Variants in NLE1 observed in about 807,000 individuals in gnomAD.
NLE1 encodes notchless homolog 1, also known as notchless protein homolog 1.
In NLE1, 37 loss-of-function variants were observed where a neutral mutation model predicts 62.8. That is an observed-to-expected ratio of 0.59 (90% CI 0.45 to 0.78). The LOEUF is 0.78. Among genes scored for constraint, NLE1 ranks in the 30% least tolerant of loss-of-function variants. The pLI is 0.00. For missense variants in NLE1, 555 were observed against 637.9 expected (o/e 0.87, Z 1.40); for synonymous variants, 243 against 253.0 (o/e 0.96, Z 0.37).
Position 35,135,318 on chromosome 17 carries a change from G to A in NLE1, c.1145C>T (p.Pro382Leu). Residue 382 changes from proline (P) to leucine (L), a missense_variant, in exon 10 of 13, where the codon CCT (proline) becomes CTT (leucine). Physicochemically the swap from Pro to Leu is moderately conservative, Grantham distance 98. Coordinates refer to ENST00000442241, the MANE Select transcript of NLE1 (RefSeq NM_018096.5). ...QALINQVLFS[P>L]DSRIVASASF... is the part of the protein sequence containing the mutation. ...GGCACTAGCCACGATGCGGGAGTCA[G>A]GAGAGAAGAGCACCTGGTTGATGAG... is the stretch of plus-strand genomic sequence containing the variant. 4 of 1,614,214 alleles carry A rather than the reference G, an allele frequency of 2.5e-6. No homozygotes were observed. The highest frequency in any genetic ancestry group is 3.4e-6 in the Non-Finnish European group (4 of 1,180,044).
intron 3 of NLE1, 34 bp downstream of exon 3, chr17:35,139,815 C>T: frequency 6.2e-7 from 1 of 1,602,054 alleles, no homozygotes; most frequent in Non-Finnish European, 8.5e-7. Flanking sequence ...TGCACCCCCA[C>T]ATACCCCCTC....
chr17:35,131,226 G>C lies in NLE1; in HGVS notation c.*1211C>G, dbSNP rs1306173900. On this transcript the variant is annotated 3_prime_UTR_variant, in exon 13 of 13. Coordinates refer to ENST00000442241, the MANE Select transcript of NLE1 (RefSeq NM_018096.5). ...AAGGAGCTCAGTGGCTGATAGTTTT[G>C]TTCGCTTCTTATGTAGCCTCACTGC... 1.3e-5 allele frequency: 2 copies of C among 152,226 alleles called. No individual in the cohort carries two copies. The highest frequency in any genetic ancestry group is 4.8e-5 in the African/African-American group (2 of 41,448). 9.4% of individuals were successfully genotyped at this position (152,226 alleles called of 1,614,324 possible).
At chr17:35,136,063 G>T in intron 9 of NLE1, 106 bp downstream of exon 9, 1 of 1,095,664 alleles carries the variant, frequency 9.1e-7, no homozygotes, top group Non-Finnish European at 1.3e-6. Flanking sequence ...TTTGGAATAG[G>T]TACATTCTGA....
At chr17:35,141,867 T>C in intron 2 of NLE1, 112 bp downstream of exon 2, 1 of 1,259,806 alleles carries the variant, frequency 7.9e-7, no homozygotes, top group Non-Finnish European at 1.1e-6. Flanking sequence ...GCCAGGTGGG[T>C]CACCACAGTC....
At chr17:35,136,085 A>G (rs753052623) in intron 9 of NLE1, 84 bp downstream of exon 9, 243 of 1,397,416 alleles carry the variant, frequency 1.7e-4, no homozygotes, top group Non-Finnish European at 2.4e-4. Flanking sequence ...CTGGGTCTAG[A>G]AGGGAGAAGG....
chr17:35,130,261 G>T lies in NLE1; in HGVS notation c.*2176C>A, dbSNP rs1431930302. 4.3e-6 allele frequency: 7 copies of T among 1,611,754 alleles called. No homozygotes were observed. The highest frequency in any genetic ancestry group is 5.9e-6 in the Non-Finnish European group (7 of 1,178,698). On this transcript the variant is annotated 3_prime_UTR_variant, in exon 13 of 13. Coordinates refer to ENST00000442241, the MANE Select transcript of NLE1 (RefSeq NM_018096.5). ...TCAGATCTGGGAAGGAACTCTGAAG[G>T]GTTTTCTTGTTTCACTTCAGTTTGC...
chr17:35,136,469 T>C lies in NLE1; in HGVS notation c.857A>G (p.His286Arg). 1 of 1,614,022 alleles carries C rather than the reference T, an allele frequency of 6.2e-7. No homozygotes were observed. Among genetic ancestry groups the C allele is most frequent in the Non-Finnish European group, 8.5e-7 (1 of 1,179,926 alleles). Residue 286 changes from histidine to arginine, a missense_variant, in exon 8 of 13, where the codon CAC (histidine) becomes CGC (arginine). Transcript: ENST00000442241. ...GGCCATGGTGTTCACCCAGTGGCCG[T>C]GGCCTTGCAGAGTCCGGCACAGCAC... ...DGVLCRTLQGHGHWVNTMALS... is the reference protein window; with the variant it reads ...DGVLCRTLQGRGHWVNTMALS...
At chr17:35,138,774 C>T (rs954814244) in intron 4 of NLE1, among the ~76,000 whole-genome samples, 15 of 152,252 alleles carry the variant, frequency 9.9e-5, no homozygotes, top group Middle Eastern at 3.4e-3. Context: ...GCCCCTGAGG[C>T]GGGGCAATTC....
chr17:35,130,183 T>G lies in NLE1; in HGVS notation c.*2254A>C, dbSNP rs1567742017. On this transcript the variant is annotated 3_prime_UTR_variant, in exon 13 of 13. Transcript: ENST00000442241. Reference sequence around the variant, plus strand: ...AGGTTGGATAAGGCTGTTTAAGGTCTGAGTCAGCAGACAGAAAAAAAAGGG... The same window carrying G: ...AGGTTGGATAAGGCTGTTTAAGGTCGGAGTCAGCAGACAGAAAAAAAAGGG... The G allele has an allele frequency of 2.6e-6, 4 of 1,511,750 alleles. No homozygotes were observed. In the African/African-American group the frequency reaches 4.2e-5, roughly 16 times the overall value. The allele number at this position is 1,511,750 out of a possible 1,614,324, so 93.6% of individuals were successfully genotyped here.
Position 35,131,774 on chromosome 17 carries a change from C to T in NLE1, c.*663G>A, listed in dbSNP as rs1488427757. Reference sequence around the variant, plus strand: ...AAACCTTTCTGTGTGCTGTCCAATACTGGAGGCCTTACCCAGTGCGATGGA... The same window carrying T: ...AAACCTTTCTGTGTGCTGTCCAATATTGGAGGCCTTACCCAGTGCGATGGA... On this transcript the variant is annotated 3_prime_UTR_variant, in exon 13 of 13. Transcript: ENST00000442241. 1 of 152,400 alleles carries T rather than the reference C, an allele frequency of 6.6e-6. No individual in the cohort carries two copies. The highest frequency in any genetic ancestry group is 2.4e-5 in the African/African-American group (1 of 41,480). 9.4% of individuals were successfully genotyped at this position (152,400 alleles called of 1,614,324 possible).
In NLE1 at chr17:35,132,218, TC is replaced by T; in HGVS notation, c.*218del. 2.6e-6 allele frequency: 1 copy of T among 383,346 alleles called. No homozygotes were observed. Among genetic ancestry groups the T allele is most frequent in the Non-Finnish European group, 4.6e-6 (1 of 215,268 alleles). The allele number at this position is 383,346 out of a possible 1,614,324, so 23.7% of individuals were successfully genotyped here. ...ACACGGGCCAAGTTCAGTGACAACT[TC>T]CTGTGACCTTCGATTTCTGGCTCTG... is the stretch of plus-strand genomic sequence containing the variant. On this transcript the variant is annotated 3_prime_UTR_variant, in exon 13 of 13. Transcript: ENST00000442241.
intron 7 of NLE1, among the ~76,000 whole-genome samples, 156 bp downstream of exon 7, chr17:35,136,845 C>T (rs1002937659): frequency 6.6e-6 from 1 of 152,156 alleles, no homozygotes; most frequent in Non-Finnish European, 1.5e-5. Context: ...CAGCACCAAC[C>T]ACAGAACTCC....
chr17:35,134,125 C>G (rs2091894277), intron 10 of NLE1, among the ~76,000 whole-genome samples: 1 of 152,152 alleles, frequency 6.6e-6, no homozygotes, highest in East Asian at 1.9e-4. Context: ...CTCATCACAC[C>G]AAGGGTTCCC....
chr17:35,141,343 C>T (rs1359709647), intron 2 of NLE1, among the ~76,000 whole-genome samples: 2 of 152,068 alleles, frequency 1.3e-5, no homozygotes, highest in Non-Finnish European at 2.9e-5. Context: ...GTCAAGAGAT[C>T]GAGACCATCC....
intron 4 of NLE1, 112 bp downstream of exon 4, chr17:35,139,123 C>T: frequency 2.3e-6 from 2 of 870,416 alleles, no homozygotes; most frequent in Non-Finnish European, 3.6e-6. Flanking sequence ...AGGCTTGAGC[C>T]CAGGAGTTCA....
chr17:35,140,113 G>A (rs2091934044), intron 2 of NLE1, 47 bp from the exon 3 acceptor site: 12 of 1,589,018 alleles, frequency 7.6e-6, no homozygotes, highest in Non-Finnish European at 1.0e-5. Flanking sequence ...GGATGTGCAG[G>A]GGCACCCTCT....
At position 35,142,094 on chromosome 17, in the gene NLE1, C is replaced by G. The variant is rs772288660; in HGVS notation, c.47G>C (p.Arg16Pro). ...CTCATCCTGGAACTGCACTAGCAAC[C>G]GCTGCACATCGCGCGCCACCGCCTC... ...PDEAVARDVQ[R>P]LLVQFQDEGG... is the part of the protein sequence containing the mutation. The change falls in exon 2 of 13, where the codon CGG (arginine) becomes CCG (proline). Residue 16 changes from arginine (R) to proline (P), a missense_variant. Physicochemically the swap from Arg to Pro is moderately radical, Grantham distance 103. Coordinates refer to ENST00000442241, the MANE Select transcript of NLE1 (RefSeq NM_018096.5). 6.2e-6 allele frequency: 10 copies of G among 1,612,072 alleles called. No individual in the cohort carries two copies. The Admixed American group carries it at 8.3e-5, about 13-fold the overall frequency.
chr17:35,130,146 G>A lies in NLE1; in HGVS notation c.*2291C>T. On this transcript the variant is annotated 3_prime_UTR_variant, in exon 13 of 13. Transcript: ENST00000442241. ...TCATGCATCTTTGCACCTGTTTCCTGCGTCAATGGCTAGGTTGGATAAGGC... is the reference window on the plus strand; with the variant it reads ...TCATGCATCTTTGCACCTGTTTCCTACGTCAATGGCTAGGTTGGATAAGGC... 6.9e-7 allele frequency: 1 copy of A among 1,452,606 alleles called. No individual in the cohort carries two copies. The highest frequency in any genetic ancestry group is 9.0e-7 in the Non-Finnish European group (1 of 1,106,574). 90.0% of individuals were successfully genotyped at this position (1,452,606 alleles called of 1,614,324 possible).
chr17:35,141,775 C>A (rs2091945670), intron 2 of NLE1, among the ~76,000 whole-genome samples: 2 of 152,172 alleles, frequency 1.3e-5, no homozygotes, highest in Non-Finnish European at 2.9e-5. Flanking sequence ...AAAGCTAGGC[C>A]CCTCTCCGCA....
Sources: gnomAD v4.1 joint callset for allele counts (sites outside exome capture counted in the v4.1 genomes callset) on GRCh38, gnomAD v4.1.1 for gene constraint, MANE v1.5 for transcripts, NCBI Gene and HGNC (gene_info 2026-07-23, HGNC 2026-07-21) for gene names.